Variants in MSRA observed in about 807,000 individuals in gnomAD.
The protein encoded by MSRA is methionine sulfoxide reductase A, also known as mitochondrial peptide methionine sulfoxide reductase.
In MSRA, 54 loss-of-function variants were observed where a neutral mutation model predicts 31.3. The observed-to-expected ratio is 1.73, with a 90% CI of 1.39 to 2.17. The LOEUF is 2.17. MSRA is among the 30% of genes most tolerant of loss of function. The pLI, the probability that MSRA is intolerant of heterozygous loss-of-function variation, is 0.00. For missense variants in MSRA, 507 were observed against 300.9 expected, an observed-to-expected ratio of 1.69 and a Z score of -5.07; for synonymous variants, 169 against 116.5, an observed-to-expected ratio of 1.45 and a Z score of -2.90.
intron 5 of MSRA, among the ~76,000 whole-genome samples, chr8:10,376,299 G>A (rs368283070): frequency 6.6e-6 from 1 of 152,220 alleles, no homozygotes; most frequent in South Asian, 2.1e-4. Flanking sequence ...CTACAATGCA[G>A]CCAGGAACAG....
intron 1 of MSRA, among the ~76,000 whole-genome samples, chr8:10,138,827 C>T (rs112847068): frequency 7.2e-4 from 109 of 152,244 alleles, no homozygotes; most frequent in African/African-American, 2.5e-3. Flanking sequence ...TGGAAAATTC[C>T]GTGAGAGTGA....
chr8:10,231,081 C>T (rs1395177657), intron 2 of MSRA, among the ~76,000 whole-genome samples: 1 of 152,174 alleles, frequency 6.6e-6, no homozygotes, highest in African/African-American at 2.4e-5. Context: ...CCACCGCACC[C>T]AGCCTGTTCT....
chr8:10,250,032 A>T (rs945640278), intron 3 of MSRA, among the ~76,000 whole-genome samples: 1 of 152,136 alleles, frequency 6.6e-6, no homozygotes, highest in Non-Finnish European at 1.5e-5. Context: ...GTCTTCCAGA[A>T]TTTTCTCTAT....
At chr8:10,412,638 A>T (rs1170168104) in intron 5 of MSRA, among the ~76,000 whole-genome samples, 1 of 152,238 alleles carries the variant, frequency 6.6e-6, no homozygotes, top group Middle Eastern at 3.2e-3. Context: ...ACACGAGATT[A>T]GAACAGACAC....
At chr8:10,267,183 C>G (rs1798790504) in intron 3 of MSRA, among the ~76,000 whole-genome samples, 1 of 152,176 alleles carries the variant, frequency 6.6e-6, no homozygotes, top group Non-Finnish European at 1.5e-5. Context: ...AATTATGGTA[C>G]TTTAGATTTC....
At chr8:10,266,698 A>G (rs1441685845) in intron 3 of MSRA, among the ~76,000 whole-genome samples, 1 of 152,110 alleles carries the variant, frequency 6.6e-6, no homozygotes, top group South Asian at 2.1e-4. Context: ...GAAATTGTAT[A>G]GTTTAAGATG....
rs569148518 is a variant in MSRA at position 10,428,219 on chromosome 8, A to G, written c.615A>G (p.Glu205=). Residue 205 remains glutamate (E), a synonymous_variant, in exon 6 of 6, where the codon GAA becomes GAG. Transcript: ENST00000317173. ...IREGQTFYYA[E]DYHQQYLSKN... ...AGGGACAGACTTTCTACTATGCGGA[A>G]GACTACCACCAGCAGTACCTGAGCA... is the stretch of plus-strand genomic sequence containing the variant. 9.9e-6 allele frequency: 16 copies of G among 1,614,020 alleles called. No homozygotes were observed. The Middle Eastern group carries it at 8.2e-4, about 83-fold the overall frequency.
chr8:10,288,770 C>T (rs1800072664), intron 3 of MSRA, among the ~76,000 whole-genome samples: 1 of 152,152 alleles, frequency 6.6e-6, no homozygotes. Flanking sequence ...CCACATCCTT[C>T]CTATGTGAGC....
chr8:10,063,249 C>T (rs1224381390), intron 1 of MSRA, among the ~76,000 whole-genome samples: 8 of 152,312 alleles, frequency 5.3e-5, no homozygotes, highest in South Asian at 4.1e-4. Context: ...CCATGAGTCC[C>T]GATGACTTCT....
chr8:10,252,275 C>G (rs1272102796), intron 3 of MSRA, among the ~76,000 whole-genome samples: 4 of 152,162 alleles, frequency 2.6e-5, no homozygotes, highest in African/African-American at 4.8e-5. Flanking sequence ...AAGTTCGAAT[C>G]GTACACCCAT....
chr8:10,215,719 G>A (rs1035624111), intron 2 of MSRA, among the ~76,000 whole-genome samples: 20 of 152,296 alleles, frequency 1.3e-4, no homozygotes, highest in Non-Finnish European at 1.8e-4. Flanking sequence ...TTGCTTCTGT[G>A]TCAATACAGA....
Position 10,236,784 on chromosome 8 carries a change from G to C in MSRA, c.212-8320G>C, listed in dbSNP as rs1429871000. Among the ~76,000 whole-genome samples, 5 of 152,298 alleles carry C rather than the reference G, an allele frequency of 3.3e-5. No homozygotes were observed. In the East Asian group the frequency reaches 9.7e-4, roughly 29 times the overall value. On this transcript the variant is annotated intron_variant, in intron 2 of 5. Transcript: ENST00000317173. ...TGGTCTTGAACTCCTGACATCAGGT[G>C]ATCTGGCTGCCTCGGCCTTCCAGAA...
intron 5 of MSRA, among the ~76,000 whole-genome samples, chr8:10,403,553 G>C (rs554729587): frequency 1.3e-5 from 2 of 152,132 alleles, no homozygotes; most frequent in African/African-American, 4.8e-5. Flanking sequence ...GGTGGTCCGC[G>C]GCACTGAAGA....
chr8:10,361,053 C>A lies in MSRA; in HGVS notation c.543+41064C>A, dbSNP rs150956801. Among the ~76,000 whole-genome samples, 144 of 152,342 alleles carry A rather than the reference C, an allele frequency of 9.5e-4. 2 individuals are homozygous for A. The highest frequency in any genetic ancestry group is 1.5e-3 in the Non-Finnish European group (99 of 68,036). On this transcript the variant is annotated intron_variant, in intron 5 of 5. Transcript: ENST00000317173. ...CCTCACCTTGGCTGATAGAGTTGGA[C>A]AACTCCTTGGTGGCCCGTTTCCATG... is the stretch of plus-strand genomic sequence containing the variant.
At chr8:10,237,803 G>C (rs1045761906) in intron 2 of MSRA, among the ~76,000 whole-genome samples, 38 of 152,134 alleles carry the variant, frequency 2.5e-4, no homozygotes, top group African/African-American at 8.5e-4. Context: ...AATATATCCA[G>C]ATTCTAATCA....
At chr8:10,251,258 G>A (rs999194967) in intron 3 of MSRA, among the ~76,000 whole-genome samples, 1 of 151,822 alleles carries the variant, frequency 6.6e-6, no homozygotes, top group South Asian at 2.1e-4. Context: ...GGGTGGAAGC[G>A]CATGTCTATG....
intron 1 of MSRA, among the ~76,000 whole-genome samples, chr8:10,178,946 T>A (rs1438267847): frequency 1.3e-5 from 2 of 152,212 alleles, no homozygotes; most frequent in African/African-American, 4.8e-5. Flanking sequence ...GTAATTTTGT[T>A]GGTTTTCTGT....
At chr8:10,219,281 G>A (rs1483046907) in intron 2 of MSRA, among the ~76,000 whole-genome samples, 3 of 152,194 alleles carry the variant, frequency 2.0e-5, no homozygotes, top group Admixed American at 6.5e-5. Flanking sequence ...GGTAGCAGAA[G>A]ACACTCCCCA....
chr8:10,127,307 G>A (rs559185856), intron 1 of MSRA, among the ~76,000 whole-genome samples: 1 of 152,266 alleles, frequency 6.6e-6, no homozygotes, highest in African/African-American at 2.4e-5. Flanking sequence ...TCAAAAAATT[G>A]CAACCTCAGG....
Sources: allele counts gnomAD v4.1 joint callset (sites outside exome capture counted in the v4.1 genomes callset), GRCh38; gene constraint gnomAD v4.1.1; transcripts MANE v1.5; gene names NCBI Gene and HGNC (gene_info 2026-07-23, HGNC 2026-07-21).